Variants in ZNF749 observed in about 807,000 individuals in gnomAD.
ZNF749 encodes zinc finger protein 749.
Under a neutral mutation model 7.3 loss-of-function variants are expected in ZNF749, and 8 were observed. That is an observed-to-expected ratio of 1.10 (90% CI 0.64 to 1.98). The LOEUF is 1.98. ZNF749 is among the 30% of genes most tolerant of loss of function. The pLI is 0.00. For missense variants in ZNF749, 898 were observed against 932.4 expected (o/e 0.96, Z 0.48); for synonymous variants, 310 against 322.4 (o/e 0.96, Z 0.41).
chr19:57,446,446 G>T lies in ZNF749; in HGVS notation c.*961G>T, dbSNP rs183628256. ...ACTACTCCTCTTCCTCATTCCCTAC[G>T]CCAACCAGCCCCTGACAATACTACT... On this transcript the variant is annotated 3_prime_UTR_variant, in exon 3 of 3. Coordinates refer to ENST00000334181, the MANE Select transcript of ZNF749 (RefSeq NM_001023561.4). Among the ~76,000 whole-genome samples the T allele has an allele frequency of 6.6e-6, 1 of 152,050 alleles. No individual in the cohort carries two copies. The highest frequency in any genetic ancestry group is 6.5e-5 in the Admixed American group (1 of 15,270).
Position 57,443,430 on chromosome 19 carries a change from G to A in ZNF749, c.282G>A (p.Lys94=), listed in dbSNP as rs1388236711. 6.2e-6 allele frequency: 10 copies of A among 1,614,234 alleles called. No homozygotes were observed. Among genetic ancestry groups the A allele is most frequent in the South Asian group, 2.2e-5 (2 of 91,088 alleles). ...QPCKMCSSIL[K]DILHLAEHDG... is the part of the protein sequence containing the mutation. Reference sequence around the variant, plus strand: ...GCAAGATGTGTAGCTCAATTCTGAAGGACATTCTGCACCTGGCTGAGCACG... The same window carrying A: ...GCAAGATGTGTAGCTCAATTCTGAAAGACATTCTGCACCTGGCTGAGCACG... Residue 94 remains lysine, a synonymous_variant, in exon 3 of 3, where the codon AAG becomes AAA. Coordinates refer to ENST00000334181, the MANE Select transcript of ZNF749 (RefSeq NM_001023561.4).
At position 57,444,295 on chromosome 19, in the gene ZNF749, G is replaced by C. The variant is rs1190821198; in HGVS notation, c.1147G>C (p.Glu383Gln). 4.0e-5 allele frequency: 64 copies of C among 1,614,060 alleles called. No homozygotes were observed. The highest frequency in any genetic ancestry group is 5.3e-5 in the Non-Finnish European group (62 of 1,180,028). ...QRVHTGERPFECSICGKFFSH... is the reference protein window; with the variant it reads ...QRVHTGERPFQCSICGKFFSH... ...AGTTCATACTGGAGAAAGGCCTTTT[G>C]AATGCAGCATATGTGGAAAATTCTT... Residue 383 changes from glutamate to glutamine, a missense_variant, in exon 3 of 3, where the codon GAA becomes CAA. By Grantham distance (29) the Glu-to-Gln change is conservative (BLOSUM62 2). Transcript: ENST00000334181.
chr19:57,430,794 C>G (rs1428919454), upstream of ZNF749, among the ~76,000 whole-genome samples: 19 of 152,086 alleles, frequency 1.2e-4, no homozygotes, highest in Admixed American at 1.2e-3. Flanking sequence ...GTAATCCCAG[C>G]ACTTTGGGAG....
upstream of ZNF749, among the ~76,000 whole-genome samples, chr19:57,433,111 AGTGTGTGTGTGTGTGTGTGTGT>A (rs71186260): frequency 7.7e-5 from 11 of 143,508 alleles, no homozygotes; most frequent in East Asian, 1.9e-3. Context: ...AGTCTTGAGG[AGTGTGTGTGTGTGTGTGTGTGT>A]GTGTGTGTGT....
rs1282487454 is a variant in ZNF749 at position 57,435,378 on chromosome 19, C to A, written c.-201C>A. On this transcript the variant is annotated 5_prime_UTR_variant, in exon 1 of 3. Coordinates refer to ENST00000334181, the MANE Select transcript of ZNF749 (RefSeq NM_001023561.4). ...TAGCATGGCTACCTAGGGATCTGTT[C>A]ACTGATTTAGAGGGTCCCAGAGCTC... The A allele has an allele frequency of 2.7e-6, 2 of 734,514 alleles. No homozygotes were observed. The highest frequency in any genetic ancestry group is 1.8e-5 in the African/African-American group (1 of 56,436). The allele number at this position is 734,514 out of a possible 1,614,324, so 45.5% of individuals were successfully genotyped here.
At position 57,436,128 on chromosome 19, in the gene ZNF749, A is replaced by G. The variant is rs980523626; in HGVS notation, c.15+535A>G. Among the ~76,000 whole-genome samples the G allele has an allele frequency of 2.2e-4, 34 of 152,180 alleles. No individual in the cohort carries two copies. In the South Asian group the frequency reaches 5.4e-3, roughly 24 times the overall value. On this transcript the variant is annotated intron_variant, in intron 1 of 2. Coordinates refer to ENST00000334181, the MANE Select transcript of ZNF749 (RefSeq NM_001023561.4). This position sits in a 1 kb window ranked among gnomAD's most constrained non-coding sequence, Gnocchi z 4.0. ...CTGCATCAAACATAGCTGTGAGGGA[A>G]AGTCGGTAGTGAATGGTGTCTTCCA...
chr19:57,441,446 T>C (rs2088988455), intron 1 of ZNF749, among the ~76,000 whole-genome samples: 1 of 152,132 alleles, frequency 6.6e-6, no homozygotes, highest in South Asian at 2.1e-4. Context: ...ATAATTTTAA[T>C]TACTTTCATT....
At chr19:57,434,404 C>G (rs1348155910), upstream of ZNF749, among the ~76,000 whole-genome samples, 1 of 152,154 alleles carries the variant, frequency 6.6e-6, no homozygotes, top group Non-Finnish European at 1.5e-5. Context: ...GCCCACAACC[C>G]CTTAACCCAG....
chr19:57,435,925 G>T (rs900315191), intron 1 of ZNF749, among the ~76,000 whole-genome samples: 1 of 152,210 alleles, frequency 6.6e-6, no homozygotes, highest in African/African-American at 2.4e-5. Flanking sequence ...CGAATGGGAG[G>T]GTCACGCCCA....
At chr19:57,435,800 G>T (rs1211124902) in intron 1 of ZNF749, 2 of 1,051,564 alleles carry the variant, frequency 1.9e-6, no homozygotes, top group South Asian at 1.7e-5. Flanking sequence ...ACTGCAGAAC[G>T]GGCGGCACTG....
At chr19:57,435,165 G>C (rs1293190903), upstream of ZNF749, among the ~76,000 whole-genome samples, 1 of 152,202 alleles carries the variant, frequency 6.6e-6, no homozygotes, top group African/African-American at 2.4e-5. Context: ...GGCGAGGCAG[G>C]CAGCAGCGTG....
At chr19:57,430,735 A>AG (rs1268579390), upstream of ZNF749, among the ~76,000 whole-genome samples, 4 of 152,092 alleles carry the variant, frequency 2.6e-5, no homozygotes, top group African/African-American at 9.7e-5. Context: ...TAGAAGAGGG[A>AG]GGAGGTGCAG....
intron 1 of ZNF749, chr19:57,438,115 G>A (rs1330778792): frequency 7.5e-6 from 3 of 398,732 alleles, no homozygotes; most frequent in African/African-American, 2.1e-5. Flanking sequence ...GAAAGAATGA[G>A]GGTCGTGATC....
Position 57,435,534 on chromosome 19 carries a change from T to A in ZNF749, c.-45T>A. On this transcript the variant is annotated 5_prime_UTR_variant, in exon 1 of 3. Coordinates refer to ENST00000334181, the MANE Select transcript of ZNF749 (RefSeq NM_001023561.4). ...TCCGTCAGCGTCCAGGTGACCGCCG[T>A]TCCCGCCCCGCTCTTCCCTGGGTGG... 3 of 1,588,886 alleles carry A rather than the reference T, an allele frequency of 1.9e-6. No individual in the cohort carries two copies. Among genetic ancestry groups the A allele is most frequent in the Non-Finnish European group, 2.6e-6 (3 of 1,169,938 alleles).
At position 57,443,583 on chromosome 19, in the gene ZNF749, T is replaced by C. The variant is rs531508104; in HGVS notation, c.435T>C (p.Ala145=). 1 of 1,614,208 alleles carries C rather than the reference T, an allele frequency of 6.2e-7. No individual in the cohort carries two copies. The highest frequency in any genetic ancestry group is 1.1e-5 in the South Asian group (1 of 91,084). The change falls in exon 3 of 3, where the codon GCT becomes GCC. Residue 145 remains alanine, a synonymous_variant. Transcript: ENST00000334181. ...EWRPSFVNHS[A]HVGERNFTCT... ...GGCCTTCATTTGTGAACCACAGTGC[T>C]CACGTGGGAGAGAGGAACTTCACAT...
rs1464905764 is a variant in ZNF749 at position 57,439,141 on chromosome 19, G to A, written c.16-2744G>A. 2.0e-5 allele frequency among the ~76,000 whole-genome samples: 3 copies of A among 152,200 alleles called. No homozygotes were observed. The highest frequency in any genetic ancestry group is 1.3e-4 in the Admixed American group (2 of 15,290). ...GGCTCCCTCTGCCTGCAGAATGGAA[G>A]ACCACGTGCAGGTGAGGGTGGAGCC... On this transcript the variant is annotated intron_variant, in intron 1 of 2. Coordinates refer to ENST00000334181, the MANE Select transcript of ZNF749 (RefSeq NM_001023561.4). This position sits in a 1 kb window ranked among gnomAD's most constrained non-coding sequence, Gnocchi z 4.3.
chr19:57,440,954 C>T (rs906673302), intron 1 of ZNF749, among the ~76,000 whole-genome samples: 22 of 151,750 alleles, frequency 1.4e-4, no homozygotes, highest in Non-Finnish European at 2.4e-4. Context: ...GGGGAAACCC[C>T]GTCTCTACTA....
rs775254395 is a variant in ZNF749, at chr19:57,443,310, G to C, written c.162G>C (p.Lys54Asn). The C allele has an allele frequency of 1.9e-5, 31 of 1,605,966 alleles. No homozygotes were observed. Among genetic ancestry groups the C allele is most frequent in the Non-Finnish European group, 2.5e-5 (29 of 1,174,700 alleles). The change falls in exon 3 of 3, where the codon AAG becomes AAC. Residue 54 changes from lysine (K) to asparagine (N), a missense_variant. Coordinates refer to ENST00000334181, the MANE Select transcript of ZNF749 (RefSeq NM_001023561.4). ...TTACAGGTTGTTGGCATGGAGCCAAGGATGAGGAGGTACCTTCCAAGCAGT... is the reference window on the plus strand; with the variant it reads ...TTACAGGTTGTTGGCATGGAGCCAACGATGAGGAGGTACCTTCCAAGCAGT... ...LSSVGCWHGA[K>N]DEEVPSKQCV...
chr19:57,441,496 G>A (rs1011478671), intron 1 of ZNF749, among the ~76,000 whole-genome samples: 2 of 152,096 alleles, frequency 1.3e-5, no homozygotes, highest in Admixed American at 6.6e-5. Flanking sequence ...ACCAGGCCAC[G>A]GGAAATACTA....
Sources: allele counts gnomAD v4.1 joint callset (sites outside exome capture counted in the v4.1 genomes callset), GRCh38; gene constraint gnomAD v4.1.1; non-coding constraint Gnocchi (gnomAD v3.1); transcripts MANE v1.5; gene names NCBI Gene and HGNC (gene_info 2026-07-23, HGNC 2026-07-21).